PCNX2: variants seen among roughly 807,000 people sequenced by gnomAD.
PCNX2 encodes pecanex-like protein 2.
A neutral mutation model predicts 223.8 loss-of-function variants in PCNX2; 168 were observed. The observed-to-expected ratio is 0.75, with a 90% confidence interval of 0.66 to 0.85. The LOEUF (loss-of-function observed/expected upper bound fraction) is 0.85. Ranked by LOEUF, PCNX2 falls within the 40% of genes least tolerant of loss-of-function variation. PCNX2 has a pLI of 0.00. For synonymous variants in PCNX2, 1,006 were observed against 1,052.6 expected (o/e 0.96, Z 0.86); for missense variants, 2,507 against 2,675.5 (o/e 0.94, Z 1.39).
chr1:233,026,566 A>G (rs1311541529), intron 25 of PCNX2, among the ~76,000 whole-genome samples: 5 of 152,216 alleles, frequency 3.3e-5, no homozygotes, highest in Admixed American at 6.5e-5. Context: ...CAGATGCAAG[A>G]GAATGATGAC....
intron 21 of PCNX2, among the ~76,000 whole-genome samples, chr1:233,122,140 A>G (rs923650066): frequency 2.2e-4 from 34 of 152,008 alleles, no homozygotes; most frequent in Non-Finnish European, 4.7e-4. Context: ...ACAGAGAGAC[A>G]TGGGATTATA....
intron 9 of PCNX2, among the ~76,000 whole-genome samples, chr1:233,233,944 T>C (rs1658229571): frequency 6.6e-6 from 1 of 152,042 alleles, no homozygotes; most frequent in African/African-American, 2.4e-5. Context: ...CTCCAACTCA[T>C]CCTCCACATT....
intron 21 of PCNX2, among the ~76,000 whole-genome samples, chr1:233,099,634 C>T (rs1674371613): frequency 1.3e-5 from 2 of 152,172 alleles, no homozygotes; most frequent in South Asian, 2.1e-4. Context: ...TCCCTTTACA[C>T]TTTCCCCTTC....
chr1:233,130,775 G>C (rs1040902975), intron 21 of PCNX2, among the ~76,000 whole-genome samples: 1 of 151,518 alleles, frequency 6.6e-6, no homozygotes, highest in Non-Finnish European at 1.5e-5. Flanking sequence ...GTGCCACTGT[G>C]CCCGGCACCC....
chr1:233,114,336 T>C (rs1442875682), intron 21 of PCNX2, among the ~76,000 whole-genome samples: 2 of 152,250 alleles, frequency 1.3e-5, no homozygotes, highest in African/African-American at 4.8e-5. Flanking sequence ...GAGTCTCCAG[T>C]GGCAGCACAT....
chr1:233,135,557 C>T (rs1378898264), intron 20 of PCNX2, among the ~76,000 whole-genome samples: 3 of 152,204 alleles, frequency 2.0e-5, no homozygotes, highest in Non-Finnish European at 4.4e-5. Context: ...GAATTCACTA[C>T]TGCAGTGATG....
chr1:233,189,500 T>A (rs1330559911), intron 15 of PCNX2, among the ~76,000 whole-genome samples: 1 of 152,190 alleles, frequency 6.6e-6, no homozygotes, highest in Admixed American at 6.5e-5. Context: ...GATGTTCACT[T>A]CCTCATTTTA....
intron 25 of PCNX2, among the ~76,000 whole-genome samples, chr1:233,039,291 T>C (rs1296269999): frequency 2.0e-5 from 3 of 152,142 alleles, no homozygotes; most frequent in Non-Finnish European, 4.4e-5. Flanking sequence ...AGTCTACGGA[T>C]AGGCCGTGGA....
intron 32 of PCNX2, among the ~76,000 whole-genome samples, chr1:232,988,926 T>C (rs1363117173): frequency 6.6e-6 from 1 of 152,184 alleles, no homozygotes; most frequent in Non-Finnish European, 1.5e-5. Flanking sequence ...CAGCAGCAGA[T>C]GCACAGCGTG....
chr1:233,054,606 G>C, intron 24 of PCNX2, 123 bp from the exon 25 acceptor site: 1 of 766,788 alleles, frequency 1.3e-6, no homozygotes, highest in Non-Finnish European at 2.1e-6. Flanking sequence ...CATAAAAGAG[G>C]AAAGATGTGT....
At chr1:233,305,242 C>G in the PCNX2 span, among the ~76,000 whole-genome samples, 1 of 151,572 alleles carries the variant, frequency 6.6e-6, no homozygotes, top group South Asian at 2.1e-4. Flanking sequence ...GCAAGAATTA[C>G]AAAACTATGT....
intron 1 of PCNX2, among the ~76,000 whole-genome samples, chr1:233,263,923 C>A (rs1180815897): frequency 6.6e-6 from 1 of 152,196 alleles, no homozygotes; most frequent in Non-Finnish European, 1.5e-5. Context: ...CTCCCCCATT[C>A]CCCTCCCTAA....
intron 25 of PCNX2, among the ~76,000 whole-genome samples, chr1:233,027,584 C>A (rs1384094527): frequency 6.6e-6 from 1 of 152,138 alleles, no homozygotes; most frequent in Non-Finnish European, 1.5e-5. Context: ...CTTCCTTTTA[C>A]TTGCTTTGGA....
chr1:232,992,701 C>T (rs958225403), intron 32 of PCNX2, among the ~76,000 whole-genome samples: 1 of 152,192 alleles, frequency 6.6e-6, no homozygotes. Context: ...CTGGTCTCCA[C>T]CCAAATTTGA....
intron 25 of PCNX2, among the ~76,000 whole-genome samples, chr1:233,027,692 T>G (rs956656448): frequency 2.6e-5 from 4 of 152,218 alleles, no homozygotes; most frequent in African/African-American, 9.6e-5. Context: ...ATTTTAAGCA[T>G]TGTGGGCCAC....
chr1:233,113,627 C>G (rs749800043), intron 21 of PCNX2, among the ~76,000 whole-genome samples: 1 of 152,218 alleles, frequency 6.6e-6, no homozygotes, highest in Non-Finnish European at 1.5e-5. Context: ...CAGCAGTGGT[C>G]TCACCACTGA....
chr1:233,014,613 T>C, intron 28 of PCNX2, 52 bp downstream of exon 28: 1 of 1,381,236 alleles, frequency 7.2e-7, no homozygotes, highest in Non-Finnish European at 1.0e-6. Context: ...CTGTCAAACA[T>C]GTGAAAGTGG....
intron 21 of PCNX2, among the ~76,000 whole-genome samples, chr1:233,097,926 G>T (rs763961759): frequency 1.3e-5 from 2 of 152,110 alleles, no homozygotes; most frequent in Non-Finnish European, 2.9e-5. Context: ...TTACCAACCA[G>T]GGCAAAAGTC....
chr1:233,205,939 G>A (rs745786202), intron 13 of PCNX2, among the ~76,000 whole-genome samples: 6 of 152,166 alleles, frequency 3.9e-5, no homozygotes, highest in African/African-American at 9.7e-5. Context: ...CTATGAAAGT[G>A]TGGGTAGTGA....
Sources: allele counts gnomAD v4.1 joint callset (sites outside exome capture counted in the v4.1 genomes callset), GRCh38; gene constraint gnomAD v4.1.1; transcripts MANE v1.5; gene names NCBI Gene and HGNC (gene_info 2026-07-23, HGNC 2026-07-21).